RBFOX1: variants seen among roughly 807,000 people sequenced by gnomAD.
The protein encoded by RBFOX1 is RNA binding protein fox-1 homolog 1.
RBFOX1 carries 8 observed loss-of-function variants against 57.7 expected under a neutral mutation model. That is an observed-to-expected ratio of 0.14 (90% CI 0.08 to 0.25). The LOEUF (loss-of-function observed/expected upper bound fraction) is 0.25, where lower values mean the gene tolerates loss of function less well. Among genes scored for constraint, RBFOX1 ranks in the 10% least tolerant of loss-of-function variants. The pLI, the probability that RBFOX1 is intolerant of heterozygous loss-of-function variation, is 1.00. For synonymous variants in RBFOX1, 326 were observed against 222.4 expected (o/e 1.47, Z -4.15); for missense variants, 611 against 548.5 (o/e 1.11, Z -1.14).
At chr16:6,647,536 C>T (rs2098543678) in intron 2 of RBFOX1, among the ~76,000 whole-genome samples, 1 of 152,150 alleles carries the variant, frequency 6.6e-6, no homozygotes, top group South Asian at 2.1e-4. Context: ...GCGTGAGCCA[C>T]CACACCCAGC....
rs1171797084 is a variant in RBFOX1, at chr16:7,712,917, G to A, written c.*2172G>A. On this transcript the variant is annotated 3_prime_UTR_variant, in exon 16 of 16. Transcript: ENST00000550418. Reference sequence around the variant, plus strand: ...TTGGTTAAAGTAAAATTCATTTGCAGTTTTGATTTTCATCAATGAGCTGTA... The same window carrying A: ...TTGGTTAAAGTAAAATTCATTTGCAATTTTGATTTTCATCAATGAGCTGTA... 6.6e-6 allele frequency: 1 copy of A among 152,180 alleles called. No individual in the cohort carries two copies. Among genetic ancestry groups the A allele is most frequent in the Non-Finnish European group, 1.5e-5 (1 of 68,026 alleles). 9.4% of individuals were successfully genotyped at this position (152,180 alleles called of 1,614,324 possible).
intron 1 of RBFOX1, among the ~76,000 whole-genome samples, chr16:6,166,866 C>G (rs111769063): frequency 2.6e-5 from 4 of 152,002 alleles, no homozygotes; most frequent in African/African-American, 7.2e-5. Context: ...CTCCACCTCC[C>G]GGGTTCAAGC....
chr16:6,002,132 C>T (rs1031760859), intron 4 of RBFOX1, among the ~76,000 whole-genome samples: 3 of 151,910 alleles, frequency 2.0e-5, no homozygotes, highest in East Asian at 1.9e-4. Flanking sequence ...CCACCATGCC[C>T]GGCTAATTAA....
chr16:6,648,446 A>G (rs1483229947), intron 2 of RBFOX1, among the ~76,000 whole-genome samples: 1 of 152,090 alleles, frequency 6.6e-6, no homozygotes, highest in Non-Finnish European at 1.5e-5. Flanking sequence ...GATGAGGGAA[A>G]TTTGCTGAAG....
At chr16:5,881,696 T>A (rs927273440) in intron 4 of RBFOX1, among the ~76,000 whole-genome samples, 26 of 151,934 alleles carry the variant, frequency 1.7e-4, no homozygotes, top group African/African-American at 6.0e-4. Flanking sequence ...AAAGTTTTTT[T>A]AAAAAAAGAT....
intron 3 of RBFOX1, among the ~76,000 whole-genome samples, chr16:5,662,510 A>C (rs904880045): frequency 6.6e-6 from 1 of 152,152 alleles, no homozygotes; most frequent in African/African-American, 2.4e-5. Context: ...TATTACCATG[A>C]AGTTGTTTTG....
At chr16:6,944,971 C>G (rs1046285212) in intron 3 of RBFOX1, among the ~76,000 whole-genome samples, 5 of 152,126 alleles carry the variant, frequency 3.3e-5, no homozygotes, top group African/African-American at 4.8e-5. Context: ...ATGGAGTACT[C>G]TTTGCTCCTC....
intron 4 of RBFOX1, chr16:7,431,313 A>C (rs1486971658): frequency 6.6e-6 from 1 of 152,192 alleles, no homozygotes; most frequent in East Asian, 1.9e-4. Flanking sequence ...TGCAGCCTCA[A>C]GCTTGTGGGC....
chr16:7,633,640 G>C (rs781466908), intron 11 of RBFOX1, among the ~76,000 whole-genome samples: 1 of 152,078 alleles, frequency 6.6e-6, no homozygotes, highest in African/African-American at 2.4e-5. Context: ...TTCACTTGTC[G>C]AGGCTTAAGC....
At chr16:6,126,158 A>G (rs1323314327) in intron 1 of RBFOX1, among the ~76,000 whole-genome samples, 1 of 152,166 alleles carries the variant, frequency 6.6e-6, no homozygotes, top group Non-Finnish European at 1.5e-5. Context: ...GGGATTAAAT[A>G]CCCCATTTGA....
intron 5 of RBFOX1, among the ~76,000 whole-genome samples, chr16:7,535,842 T>C (rs2081335860): frequency 6.6e-6 from 1 of 152,216 alleles, no homozygotes; most frequent in Admixed American, 6.5e-5. Flanking sequence ...ACTTTTATTC[T>C]CAGTGTTAGG....
chr16:6,047,688 G>A (rs1489994008), intron 1 of RBFOX1, among the ~76,000 whole-genome samples: 2 of 152,138 alleles, frequency 1.3e-5, no homozygotes, highest in South Asian at 4.1e-4. Flanking sequence ...TACGGAGCAG[G>A]GGATGCTGAT....
intron 4 of RBFOX1, among the ~76,000 whole-genome samples, chr16:7,437,260 C>CA (rs1403105863): frequency 1.4e-5 from 2 of 144,502 alleles, no homozygotes; most frequent in East Asian, 2.2e-4. Flanking sequence ...GCCCCCCCCC[C>CA]CTTTCTGTTA....
chr16:5,447,991 T>G (rs2068302755), intron 1 of RBFOX1, among the ~76,000 whole-genome samples: 1 of 152,204 alleles, frequency 6.6e-6, no homozygotes, highest in African/African-American at 2.4e-5. Flanking sequence ...CTGGGTCAGC[T>G]CTCACTTCCT....
At chr16:6,594,319 G>A (rs2097755830) in intron 2 of RBFOX1, among the ~76,000 whole-genome samples, 1 of 152,108 alleles carries the variant, frequency 6.6e-6, no homozygotes, top group South Asian at 2.1e-4. Flanking sequence ...CTGGGAGGCC[G>A]ACAAGATCCC....
At chr16:6,908,206 T>C (rs2070588543) in intron 3 of RBFOX1, among the ~76,000 whole-genome samples, 1 of 151,732 alleles carries the variant, frequency 6.6e-6, no homozygotes, top group Non-Finnish European at 1.5e-5. Context: ...TTACCTCTGC[T>C]CAGCATTGTG....
chr16:7,651,159 G>T (rs116640408), intron 11 of RBFOX1, among the ~76,000 whole-genome samples: 2 of 152,170 alleles, frequency 1.3e-5, no homozygotes, highest in East Asian at 1.9e-4. Context: ...TATTTTACCC[G>T]CATTGTGATA....
At chr16:6,054,717 C>T (rs2095593575) in intron 1 of RBFOX1, among the ~76,000 whole-genome samples, 1 of 152,188 alleles carries the variant, frequency 6.6e-6, no homozygotes. Context: ...GGGAAACTCA[C>T]AGATTTGCAC....
chr16:5,888,433 C>G (rs1432546946), intron 4 of RBFOX1, among the ~76,000 whole-genome samples: 1 of 152,070 alleles, frequency 6.6e-6, no homozygotes, highest in Non-Finnish European at 1.5e-5. Context: ...CCCTGAGAGT[C>G]TAAGTCACAG....
Sources: allele counts gnomAD v4.1 joint callset (sites outside exome capture counted in the v4.1 genomes callset), GRCh38; gene constraint gnomAD v4.1.1; transcripts MANE v1.5; gene names NCBI Gene and HGNC (gene_info 2026-07-23, HGNC 2026-07-21).